Variants in SLMAP observed in about 807,000 individuals in gnomAD.
SLMAP encodes the protein sarcolemma associated protein.
Under a neutral mutation model 128.8 loss-of-function variants are expected in SLMAP, and 44 were observed. That is an observed-to-expected ratio of 0.34 (90% CI 0.27 to 0.44). The LOEUF is 0.44. Among genes scored for constraint, SLMAP ranks in the 20% least tolerant of loss-of-function variants. The pLI, the probability that SLMAP is intolerant of heterozygous loss-of-function variation, is 1.00. For synonymous variants in SLMAP, 327 were observed against 348.8 expected (o/e 0.94, Z 0.70); for missense variants, 787 against 985.3 (o/e 0.80, Z 2.69).
intron 17 of SLMAP, among the ~76,000 whole-genome samples, chr3:57,902,354 A>G (rs976414013): frequency 1.3e-5 from 2 of 152,236 alleles, no homozygotes; most frequent in Non-Finnish European, 2.9e-5. Context: ...ATCACAAGCT[A>G]GATCAAATGG....
intron 14 of SLMAP, among the ~76,000 whole-genome samples, chr3:57,879,370 C>T (rs1377862011): frequency 6.6e-6 from 1 of 152,184 alleles, no homozygotes; most frequent in Non-Finnish European, 1.5e-5. Flanking sequence ...CTCAGTTCTA[C>T]TCCTTGGTAG....
Position 57,892,831 on chromosome 3 carries a change from C to CTT in SLMAP, c.1360+2749_1360+2750dup, listed in dbSNP as rs34608762. 9.9e-4 allele frequency among the ~76,000 whole-genome samples: 85 copies of CTT among 85,608 alleles called. 1 individual carries two copies. Among genetic ancestry groups the CTT allele is most frequent in the African/African-American group, 2.6e-3 (63 of 24,016 alleles). 56.2% of individuals were successfully genotyped at this position (85,608 alleles called of 152,430 possible). A position where few individuals can be genotyped will look rare whatever the true frequency, so the allele number is the denominator to read the frequency against. ...ACACATACACACACAAACTTGCTTT[C>CTT]TTTTTTTTTTTTTTTTTTTGGAGAT... On this transcript the variant is annotated intron_variant, in intron 15 of 24. Transcript: ENST00000671191.
intron 2 of SLMAP, among the ~76,000 whole-genome samples, chr3:57,764,424 C>T (rs2079254121): frequency 6.6e-6 from 1 of 151,584 alleles, no homozygotes. Flanking sequence ...ATCACTTGAA[C>T]CCAGGAAGCG....
rs1375444142 is a variant in SLMAP at position 57,922,950 on chromosome 3, A to G, written c.2372A>G (p.Glu791Gly). 6.2e-7 allele frequency: 1 copy of G among 1,613,410 alleles called. No homozygotes were observed. Among genetic ancestry groups the G allele is most frequent in the South Asian group, 1.1e-5 (1 of 91,078 alleles). The change falls in exon 23 of 25, where the codon GAA (glutamate) becomes GGA (glycine). Residue 791 changes from glutamate (E) to glycine (G), a missense_variant. Glu to Gly is a moderately conservative substitution (Grantham distance 98, BLOSUM62 -2). Transcript: ENST00000671191. The stretch of plus-strand genomic sequence containing the variant: ...TTGAAGTTTGAAATGACTGAGCAGG[A>G]AAAGCAGTCAATCACAGATGAGCTC... ...LKLKFEMTEQEKQSITDELKQ... is the reference protein window; with the variant it reads ...LKLKFEMTEQGKQSITDELKQ...
intron 2 of SLMAP, among the ~76,000 whole-genome samples, chr3:57,819,483 T>TC (rs1390668069): frequency 7.9e-5 from 12 of 152,198 alleles, no homozygotes; most frequent in South Asian, 4.1e-4. Flanking sequence ...GGCAGGTTTT[T>TC]CCCCCCCACA....
chr3:57,878,183 T>A (rs1410493860), intron 14 of SLMAP, among the ~76,000 whole-genome samples: 1 of 152,128 alleles, frequency 6.6e-6, no homozygotes, highest in Non-Finnish European at 1.5e-5. Flanking sequence ...TGGAACTGTT[T>A]TTATGAAAAG....
intron 2 of SLMAP, among the ~76,000 whole-genome samples, chr3:57,762,310 A>G (rs1322955579): frequency 6.6e-6 from 1 of 151,968 alleles, no homozygotes; most frequent in East Asian, 1.9e-4. Flanking sequence ...CGGAGGTTGC[A>G]GTGAGCTGAG....
chr3:57,898,902 T>C (rs1215922331), intron 17 of SLMAP: 2 of 152,210 alleles, frequency 1.3e-5, no homozygotes, highest in Non-Finnish European at 2.9e-5. Flanking sequence ...AAACCAACTT[T>C]ATAGGTTTAT....
At chr3:57,868,702 G>A (rs1387752871) in intron 13 of SLMAP, among the ~76,000 whole-genome samples, 1 of 149,904 alleles carries the variant, frequency 6.7e-6, no homozygotes, top group Non-Finnish European at 1.5e-5. Context: ...ACTCCAGCCT[G>A]GACAACAGAG....
At chr3:57,759,455 T>C (rs776903676) in intron 2 of SLMAP, among the ~76,000 whole-genome samples, 1 of 152,170 alleles carries the variant, frequency 6.6e-6, no homozygotes, top group Non-Finnish European at 1.5e-5. Flanking sequence ...TTTTGTATTT[T>C]TAGTAGAGAC....
intron 2 of SLMAP, among the ~76,000 whole-genome samples, chr3:57,763,870 A>G (rs1351400692): frequency 6.6e-6 from 1 of 152,196 alleles, no homozygotes; most frequent in Non-Finnish European, 1.5e-5. Context: ...GATGGAATAA[A>G]AAGCAGATAA....
chr3:57,758,797 G>A (rs138804062), intron 2 of SLMAP, among the ~76,000 whole-genome samples: 107 of 152,292 alleles, frequency 7.0e-4, no homozygotes, highest in Admixed American at 2.4e-3. Flanking sequence ...TTTGTGGAGA[G>A]TATACTAAAG....
intron 13 of SLMAP, among the ~76,000 whole-genome samples, chr3:57,869,334 T>A (rs2095411389): frequency 6.6e-6 from 1 of 151,222 alleles, no homozygotes; most frequent in African/African-American, 2.4e-5. Flanking sequence ...GGTCTGCCTT[T>A]CCCAGCCTAC....
chr3:57,868,961 ATGTG>A (rs1340745338), intron 13 of SLMAP, among the ~76,000 whole-genome samples: 4 of 136,992 alleles, frequency 2.9e-5, no homozygotes, highest in Non-Finnish European at 6.2e-5. Context: ...TATATAATAT[ATGTG>A]TGTATTATAT....
At chr3:57,891,944 A>G (rs1308609120) in intron 15 of SLMAP, among the ~76,000 whole-genome samples, 1 of 152,226 alleles carries the variant, frequency 6.6e-6, no homozygotes, top group Non-Finnish European at 1.5e-5. Flanking sequence ...GTTGTTTAAA[A>G]GCAACAAGAG....
chr3:57,794,302 T>G (rs2086202096), intron 2 of SLMAP, among the ~76,000 whole-genome samples: 1 of 152,220 alleles, frequency 6.6e-6, no homozygotes, highest in Admixed American at 6.5e-5. Context: ...CTCCATGGTC[T>G]GTAGTTACCA....
At chr3:57,763,306 G>A (rs1368626780) in intron 2 of SLMAP, among the ~76,000 whole-genome samples, 6 of 147,244 alleles carry the variant, frequency 4.1e-5, no homozygotes, top group Admixed American at 1.4e-4. Flanking sequence ...ATGGAGTCTC[G>A]CTCTGTCACT....
chr3:57,861,598 T>C (rs2095066402), intron 9 of SLMAP, among the ~76,000 whole-genome samples: 1 of 152,194 alleles, frequency 6.6e-6, no homozygotes, highest in African/African-American at 2.4e-5. Flanking sequence ...TTGCTGGATA[T>C]TATTAAACTT....
intron 6 of SLMAP, among the ~76,000 whole-genome samples, chr3:57,853,960 T>TATA (rs1323285837): frequency 1.7e-5 from 1 of 59,798 alleles, no homozygotes; most frequent in Non-Finnish European, 3.1e-5. Flanking sequence ...AAAAATTATA[T>TATA]ATATATATAT....
Sources: allele counts gnomAD v4.1 joint callset (sites outside exome capture counted in the v4.1 genomes callset), GRCh38; gene constraint gnomAD v4.1.1; transcripts MANE v1.5; gene names NCBI Gene and HGNC (gene_info 2026-07-23, HGNC 2026-07-21).